The following NOTCH2 variants were observed in gnomAD, a reference collection of about 807,000 sequenced individuals.
The protein encoded by NOTCH2 is neurogenic locus notch homolog protein 2.
A neutral mutation model predicts 235.8 loss-of-function variants in NOTCH2; 29 were observed. That is an observed-to-expected ratio of 0.12 (90% CI 0.09 to 0.17). NOTCH2 has a LOEUF of 0.17. NOTCH2 is among the 10% of genes least tolerant of loss of function. NOTCH2 has a pLI of 1.00. For synonymous variants in NOTCH2, 1,086 were observed against 1,141.5 expected (o/e 0.95, Z 0.98); for missense variants, 2,285 against 3,150.2 (o/e 0.73, Z 6.57).
rs1446561747 is a variant in NOTCH2, at chr1:119,943,006, G to A, written c.2753-1252C>T. ...TCGTGCATCAGCCTCCCGAGTAGCT[G>A]GAATTACAGGTGCCTGCCACCACGC... On this transcript the variant is annotated intron_variant, in intron 17 of 33. Transcript: ENST00000256646. Among the ~76,000 whole-genome samples the A allele has an allele frequency of 2.0e-5, 3 of 151,694 alleles. No homozygotes were observed. The East Asian group carries it at 5.8e-4, about 29-fold the overall frequency.
intron 22 of NOTCH2, among the ~76,000 whole-genome samples, chr1:119,930,945 A>C (rs587706960): frequency 6.7e-6 from 1 of 150,014 alleles, no homozygotes; most frequent in African/African-American, 2.4e-5. Flanking sequence ...AAAAAATACA[A>C]AAAAAAAATT....
chr1:119,952,137 T>C (rs1429092782), intron 14 of NOTCH2, among the ~76,000 whole-genome samples: 1 of 152,232 alleles, frequency 6.6e-6, no homozygotes, highest in African/African-American at 2.4e-5. Context: ...GGCTCTCTTT[T>C]GTGAGTTTCC....
intron 2 of NOTCH2, among the ~76,000 whole-genome samples, chr1:120,023,314 G>A (rs66712428): frequency 6.6e-6 from 1 of 151,240 alleles, no homozygotes. Context: ...GCGGGCGCTT[G>A]TAGTCCCGGC....
At chr1:120,058,232 G>A (rs1451179208) in intron 1 of NOTCH2, among the ~76,000 whole-genome samples, 2 of 152,158 alleles carry the variant, frequency 1.3e-5, no homozygotes, top group African/African-American at 2.4e-5. Context: ...GACCAGGCAC[G>A]GTGGCTCACG....
At chr1:120,000,307 A>G (rs2493404) in intron 3 of NOTCH2, among the ~76,000 whole-genome samples, 17 of 152,260 alleles carry the variant, frequency 1.1e-4, no homozygotes, top group Middle Eastern at 3.4e-3. Context: ...AGGCCGAGGC[A>G]GGTGGATCAT....
At chr1:119,940,800 G>C (rs781789800) in intron 18 of NOTCH2, 44 bp from the exon 19 acceptor site, 120 of 1,524,906 alleles carry the variant, frequency 7.9e-5, no homozygotes, top group Non-Finnish European at 1.0e-4. Context: ...TCTGGTGCCT[G>C]TGACTTACTA....
intron 14 of NOTCH2, among the ~76,000 whole-genome samples, chr1:119,951,907 A>G (rs1444955706): frequency 2.0e-5 from 3 of 152,276 alleles, no homozygotes; most frequent in Non-Finnish European, 4.4e-5. Context: ...TCAGAAGATA[A>G]AGAAATAAAA....
Position 119,921,799 on chromosome 1 carries a change from C to A in NOTCH2, c.5224G>T (p.Val1742Leu). The change falls in exon 29 of 34, where the codon GTG becomes TTG. Residue 1742 changes from valine (V) to leucine (L), a missense_variant. Physicochemically the swap from Val to Leu is conservative, Grantham distance 32. Around this residue, in one of 6 missense-constraint regions of NOTCH2, gnomAD observed 1,173 missense variants for 1,515.3 expected, o/e 0.77. Transcript: ENST00000256646. Reference protein sequence around the residue: ...QDAVGLKNLSVQVSEANLIGT... With the variant: ...QDAVGLKNLSLQVSEANLIGT... ...ATTAGGTTAGCTTCTGAGACTTGCA[C>A]TGAGAGATTTCTAATATGATTATAA... 6.2e-7 allele frequency: 1 copy of A among 1,613,030 alleles called. No homozygotes were observed. Among genetic ancestry groups the A allele is most frequent in the Non-Finnish European group, 8.5e-7 (1 of 1,178,996 alleles).
In NOTCH2 at chr1:119,917,113, G is replaced by C. The variant is rs587775660; in HGVS notation, c.6028-419C>G. On this transcript the variant is annotated intron_variant, in intron 33 of 33. Coordinates refer to ENST00000256646, the MANE Select transcript of NOTCH2 (RefSeq NM_024408.4). ...AGGAAAAGGAGTTAGAAATAAGAAAGGTAGGAAGAGAAAAAACTAAGGCAT... is the reference window on the plus strand; with the variant it reads ...AGGAAAAGGAGTTAGAAATAAGAAACGTAGGAAGAGAAAAAACTAAGGCAT... Among the ~76,000 whole-genome samples the C allele has an allele frequency of 8.5e-5, 13 of 152,130 alleles. No homozygotes were observed. The South Asian group carries it at 2.7e-3, about 32-fold the overall frequency.
intron 1 of NOTCH2, among the ~76,000 whole-genome samples, chr1:120,037,505 C>A (rs1654354644): frequency 6.6e-6 from 1 of 151,590 alleles, no homozygotes; most frequent in Non-Finnish European, 1.5e-5. Flanking sequence ...CAATTTCAAA[C>A]AAAACTTTCT....
At chr1:119,941,857 A>C in intron 17 of NOTCH2, 103 bp from the exon 18 acceptor site, 1 of 904,872 alleles carries the variant, frequency 1.1e-6, no homozygotes, top group Non-Finnish European at 1.8e-6. Context: ...GGGGCAGCAT[A>C]ATTCTGACTT....
At chr1:119,956,082 A>C (rs1650687987) in intron 12 of NOTCH2, among the ~76,000 whole-genome samples, 1 of 152,214 alleles carries the variant, frequency 6.6e-6, no homozygotes, top group Non-Finnish European at 1.5e-5. Context: ...GGAGTAAGTG[A>C]AATTGAAGTG....
intron 5 of NOTCH2, among the ~76,000 whole-genome samples, chr1:119,986,506 A>G (rs1475613711): frequency 1.3e-5 from 2 of 152,212 alleles, no homozygotes; most frequent in Non-Finnish European, 2.9e-5. Flanking sequence ...CACTTTGCCT[A>G]GTTATAGAAC....
intron 2 of NOTCH2, among the ~76,000 whole-genome samples, chr1:120,023,580 T>C (rs1653719302): frequency 8.2e-6 from 1 of 122,462 alleles, no homozygotes; most frequent in Non-Finnish European, 1.5e-5. Context: ...TATCTCCTTA[T>C]TTAAAATTTT....
Position 119,916,578 on chromosome 1 carries a change from A to G in NOTCH2, c.6144T>C (p.Asp2048=). The G allele has an allele frequency of 1.9e-6, 3 of 1,614,198 alleles. No homozygotes were observed. Among genetic ancestry groups the G allele is most frequent in the Non-Finnish European group, 1.7e-6 (2 of 1,180,042 alleles). ...CATGGTGCATGCGATCCCGAGCCAC[A>G]TCCCGGGGAAGACGATCCATATGGT... ...ITDHMDRLPR[D]VARDRMHHDI... is the part of the protein sequence containing the mutation. The change falls in exon 34 of 34, where the codon GAT becomes GAC. Residue 2048 remains aspartate (D), a synonymous_variant. Transcript: ENST00000256646.
At chr1:119,949,588 AT>A in intron 15 of NOTCH2, among the ~76,000 whole-genome samples, 1 of 151,996 alleles carries the variant, frequency 6.6e-6, no homozygotes, top group East Asian at 1.9e-4. Flanking sequence ...GGGTTTCACC[AT>A]GTTAGCCAGG....
At chr1:119,953,745 G>A in intron 13 of NOTCH2, 57 bp from the exon 14 acceptor site, 2 of 1,472,076 alleles carry the variant, frequency 1.4e-6, no homozygotes, top group South Asian at 2.3e-5. Context: ...TTGAGTCATA[G>A]AGTGAAATAC....
intron 1 of NOTCH2, among the ~76,000 whole-genome samples, chr1:120,042,758 A>G (rs1654628737): frequency 6.6e-6 from 1 of 152,060 alleles, no homozygotes; most frequent in Non-Finnish European, 1.5e-5. Flanking sequence ...AGTTTCAAAT[A>G]CAAAGTTTTA....
rs1386342550 is a variant in NOTCH2, at chr1:119,917,746, G to A, written c.5946C>T (p.His1982=). The change falls in exon 33 of 34, where the codon CAC becomes CAT. Residue 1982 remains histidine, a synonymous_variant. Transcript: ENST00000256646. The stretch of plus-strand genomic sequence containing the variant: ...CCACATTATTGACAGCAGCTGCCCA[G>A]TGAAGAGCAGATTTTCCTGCAGGGG... ...AVDDHGKSAL[H]WAAAVNNVEA... 2 of 1,612,736 alleles carry A rather than the reference G, an allele frequency of 1.2e-6. No homozygotes were observed. The highest frequency in any genetic ancestry group is 2.7e-5 in the African/African-American group (2 of 74,888).
Sources: gnomAD v4.1 joint callset for allele counts (sites outside exome capture counted in the v4.1 genomes callset) on GRCh38, gnomAD v4.1.1 for gene constraint, gnomAD v4.1.1 regional missense constraint, MANE v1.5 for transcripts, NCBI Gene and HGNC (gene_info 2026-07-23, HGNC 2026-07-21) for gene names.